The following TEX36 variants were observed in gnomAD, a reference collection of about 807,000 sequenced individuals.
The protein encoded by TEX36 is testis-expressed protein 36.
A neutral mutation model predicts 13.6 loss-of-function variants in TEX36; 12 were observed. The observed-to-expected ratio is 0.88, with a 90% CI of 0.56 to 1.43. The LOEUF is 1.43. TEX36 is among the 40% of genes most tolerant of loss of function. TEX36 has a pLI of 0.00. For synonymous variants in TEX36, 93 were observed against 83.0 expected (o/e 1.12, Z -0.65); for missense variants, 224 against 228.3 (o/e 0.98, Z 0.12).
intron 1 of TEX36, chr10:125,667,332 T>G (rs552912644): frequency 7.8e-6 from 5 of 641,730 alleles, no homozygotes; most frequent in South Asian, 7.2e-5. Flanking sequence ...AGCACCTTCT[T>G]GGTCACACAC....
rs184192775 is a variant in TEX36 at position 125,665,825 on chromosome 10, C to T, written c.52-3848G>A. ...TGGTCATTTTAATGATGTATTCCGA[C>T]GCAGGAGCATGAGATATTTTTCCAT... On this transcript the variant is annotated intron_variant, in intron 1 of 3. Transcript: ENST00000368821. 1.3e-3 allele frequency among the ~76,000 whole-genome samples: 194 copies of T among 152,222 alleles called. 1 individual carries two copies. Among genetic ancestry groups the T allele is most frequent in the African/African-American group, 4.3e-3 (179 of 41,542 alleles).
At chr10:125,638,128 C>T (rs1249852229) in intron 3 of TEX36, among the ~76,000 whole-genome samples, 1 of 151,918 alleles carries the variant, frequency 6.6e-6, no homozygotes, top group Non-Finnish European at 1.5e-5. Flanking sequence ...TCTTTCATCT[C>T]TTCCCATCCA....
exon 4 of TEX36, chr10:125,576,815 C>T (rs1362930067): frequency 1.3e-6 from 2 of 1,536,050 alleles, no homozygotes; most frequent in South Asian, 2.4e-5. Context: ...TCCTCACCGG[C>T]TCATAGAACT....
chr10:125,620,556 G>A (rs1202261481), downstream of TEX36, among the ~76,000 whole-genome samples: 1 of 152,186 alleles, frequency 6.6e-6, no homozygotes, highest in African/African-American at 2.4e-5. Context: ...CACACCCCAG[G>A]CCAGAACACT....
chr10:125,643,805 TACTC>T (rs1262008595), intron 3 of TEX36, among the ~76,000 whole-genome samples: 2 of 151,278 alleles, frequency 1.3e-5, no homozygotes, highest in African/African-American at 4.9e-5. Flanking sequence ...TAATCCCAGA[TACTC>T]AGGAGGCTGA....
chr10:125,667,915 C>G, intron 1 of TEX36: 1 of 1,343,838 alleles, frequency 7.4e-7, no homozygotes, highest in South Asian at 1.2e-5. Flanking sequence ...GCTCCTTCTT[C>G]TGCTCCAGGG....
intron 3 of TEX36, among the ~76,000 whole-genome samples, chr10:125,591,179 C>G (rs528688637): frequency 1.3e-5 from 2 of 152,046 alleles, no homozygotes; most frequent in East Asian, 3.8e-4. Context: ...AATTTGAGAA[C>G]GAAAAAGTGA....
chr10:125,651,908 G>GAATAA (rs1846865865), downstream of TEX36, among the ~76,000 whole-genome samples: 1 of 150,718 alleles, frequency 6.6e-6, no homozygotes, highest in Non-Finnish European at 1.5e-5. Context: ...GCTTCAAAGA[G>GAATAA]AATACCTAGG....
intron 3 of TEX36, among the ~76,000 whole-genome samples, chr10:125,611,604 A>G (rs1414916110): frequency 2.0e-5 from 3 of 152,032 alleles, no homozygotes; most frequent in Non-Finnish European, 2.9e-5. Context: ...AGCTATTTAT[A>G]TATGAAAAAT....
rs1288132469 is a variant in TEX36, at chr10:125,655,892, T to C, written c.*8A>G. 6 of 1,478,754 alleles carry C rather than the reference T, an allele frequency of 4.1e-6. No homozygotes were observed. The highest frequency in any genetic ancestry group is 4.5e-6 in the Non-Finnish European group (5 of 1,110,782). 91.6% of individuals were successfully genotyped at this position (1,478,754 alleles called of 1,614,324 possible). A position where few individuals can be genotyped will look rare whatever the true frequency, so the allele number is the denominator to read the frequency against. On this transcript the variant is annotated 3_prime_UTR_variant, in exon 4 of 4. Transcript: ENST00000368821. ...ATTACAAAATTCATCAAAAATCTTC[T>C]GGGAGGATTAGGACTCCAGTGAAGA...
At chr10:125,666,409 C>T (rs761253200) in intron 1 of TEX36, among the ~76,000 whole-genome samples, 11 of 152,070 alleles carry the variant, frequency 7.2e-5, no homozygotes, top group African/African-American at 1.4e-4. Flanking sequence ...TATCATAAAG[C>T]GATGTTGAAT....
intron 3 of TEX36, among the ~76,000 whole-genome samples, chr10:125,585,337 A>C (rs1161281324): frequency 6.6e-6 from 1 of 152,094 alleles, no homozygotes; most frequent in Non-Finnish European, 1.5e-5. Flanking sequence ...CCCCAGAGGG[A>C]GTGTCTTGGG....
intron 3 of TEX36, among the ~76,000 whole-genome samples, chr10:125,581,205 G>T (rs1845877287): frequency 6.6e-6 from 1 of 152,104 alleles, no homozygotes; most frequent in South Asian, 2.1e-4. Flanking sequence ...CCTAAACAGG[G>T]AGATTAGGTT....
At position 125,661,934 on chromosome 10, in the gene TEX36, G is replaced by A. The variant is rs763254561; in HGVS notation, c.95C>T (p.Thr32Ile). The change falls in exon 2 of 4, where the codon ACC becomes ATC. Residue 32 changes from threonine to isoleucine, a missense_variant. Transcript: ENST00000368821. ...CTGGGGCTCTTTTGACGTAGCACTG[G>A]TGATGGATTCTGGTGTCTTTTGCGT... ...GLTQKTPESI[T>I]SATSKEPQSP... The A allele has an allele frequency of 1.4e-5, 22 of 1,552,246 alleles. No individual in the cohort carries two copies. The highest frequency in any genetic ancestry group is 1.7e-5 in the Non-Finnish European group (20 of 1,147,148).
At chr10:125,590,249 ACAGGTGAGTGGCAC>A (rs1340726296) in intron 3 of TEX36, among the ~76,000 whole-genome samples, 1 of 151,966 alleles carries the variant, frequency 6.6e-6, no homozygotes, top group Non-Finnish European at 1.5e-5. Context: ...AGCCAGGACT[ACAGGTGAGTGGCAC>A]CACACCCAGC....
At chr10:125,640,458 C>A (rs1426780298) in intron 3 of TEX36, among the ~76,000 whole-genome samples, 1 of 152,162 alleles carries the variant, frequency 6.6e-6, no homozygotes, top group Non-Finnish European at 1.5e-5. Flanking sequence ...TTCAGTGAGT[C>A]AGGCTCTGAC....
At chr10:125,674,663 AAC>A (rs1239111370) in intron 1 of TEX36, among the ~76,000 whole-genome samples, 1 of 152,106 alleles carries the variant, frequency 6.6e-6, no homozygotes, top group Non-Finnish European at 1.5e-5. Context: ...TCTTTCCTTT[AAC>A]AGTCAGGCCC....
Position 125,631,451 on chromosome 10 carries a change from T to C in TEX36, c.265-9806A>G, listed in dbSNP as rs17153324. On this transcript the variant is annotated intron_variant, in intron 3 of 3. Transcript: ENST00000526819. ...TCCTGATCTTGAACATTCTGTGTCA[T>C]CGCCGGAATGAGAGAAAAGCGCATT... 2.7e-3 allele frequency among the ~76,000 whole-genome samples: 418 copies of C among 152,294 alleles called. 6 individuals carry two copies. The East Asian group carries it at 0.057, about 21-fold the overall frequency.
chr10:125,595,555 GC>G (rs1209314316), intron 3 of TEX36, among the ~76,000 whole-genome samples: 1 of 152,100 alleles, frequency 6.6e-6, no homozygotes, highest in Non-Finnish European at 1.5e-5. Context: ...AATATGTGCT[GC>G]CTTCCCTCTG....
Sources: gnomAD v4.1 joint callset for allele counts (sites outside exome capture counted in the v4.1 genomes callset) on GRCh38, gnomAD v4.1.1 for gene constraint, MANE v1.5 for transcripts, NCBI Gene and HGNC (gene_info 2026-07-23, HGNC 2026-07-21) for gene names.